The following CCDC68 variants were observed in gnomAD, a reference collection of about 807,000 sequenced individuals.
CCDC68 encodes the protein coiled-coil domain containing 68.
CCDC68 carries 45 observed loss-of-function variants against 47.1 expected under a neutral mutation model. The observed-to-expected ratio is 0.96, with a 90% CI of 0.75 to 1.23. The LOEUF (loss-of-function observed/expected upper bound fraction) is 1.23, where lower values mean the gene tolerates loss of function less well. Ranked by LOEUF, CCDC68 falls within the 50% of genes most tolerant of loss-of-function variation. CCDC68 has a pLI of 0.00. For synonymous variants in CCDC68, 131 were observed against 129.5 expected, an observed-to-expected ratio of 1.01 and a Z score of -0.08; for missense variants, 353 against 373.6, an observed-to-expected ratio of 0.94 and a Z score of 0.45.
intron 7 of CCDC68, among the ~76,000 whole-genome samples, chr18:54,930,774 A>C (rs1217489639): frequency 6.7e-6 from 1 of 148,276 alleles, no homozygotes; most frequent in Non-Finnish European, 1.5e-5. Context: ...GCTGGAGTGC[A>C]ATGGTGCGAT....
At chr18:54,945,016 T>C (rs1249911959) in intron 2 of CCDC68, among the ~76,000 whole-genome samples, 1 of 152,228 alleles carries the variant, frequency 6.6e-6, no homozygotes, top group African/African-American at 2.4e-5. Context: ...AGAATTGTTG[T>C]AATTTTGCTA....
At chr18:54,945,930 G>A (rs1207020021) in intron 1 of CCDC68, among the ~76,000 whole-genome samples, 1 of 152,174 alleles carries the variant, frequency 6.6e-6, no homozygotes, top group Non-Finnish European at 1.5e-5. Flanking sequence ...TCAGGCCAGG[G>A]TAGGGGTCAG....
chr18:54,928,726 G>C, intron 8 of CCDC68, 74 bp downstream of exon 8: 1 of 920,118 alleles, frequency 1.1e-6, no homozygotes. Flanking sequence ...AAGGTCTTCT[G>C]TTCCCTGGCT....
Position 54,904,178 on chromosome 18 carries a change from T to C in CCDC68, c.*180A>G. 2.0e-6 allele frequency: 1 copy of C among 507,226 alleles called. No individual in the cohort carries two copies. Among genetic ancestry groups the C allele is most frequent in the Non-Finnish European group, 3.5e-6 (1 of 283,434 alleles). The allele number at this position is 507,226 out of a possible 1,614,324, so 31.4% of individuals were successfully genotyped here. On this transcript the variant is annotated 3_prime_UTR_variant, in exon 12 of 12. Transcript: ENST00000591504. ...TATTTGGTAAGTTTTGAAGAGTCCA[T>C]CCATTAAATATAGATTTGTTTGATT...
chr18:54,945,142 G>T (rs184174253), intron 2 of CCDC68, among the ~76,000 whole-genome samples: 23 of 152,248 alleles, frequency 1.5e-4, no homozygotes, highest in Admixed American at 1.2e-3. Context: ...AAAGAGAGAG[G>T]TAAAAAGGAC....
chr18:54,917,109 A>G (rs2043967838), intron 10 of CCDC68, among the ~76,000 whole-genome samples: 1 of 152,190 alleles, frequency 6.6e-6, no homozygotes, highest in Non-Finnish European at 1.5e-5. Flanking sequence ...ACAGACTAAT[A>G]GAGGGGTCCT....
At chr18:54,953,551 T>TAG (rs35449564) in intron 1 of CCDC68, among the ~76,000 whole-genome samples, 34,640 of 150,360 alleles carry the variant, frequency 0.23, 4,233 homozygotes, top group Admixed American at 0.29. Flanking sequence ...TATATATATA[T>TAG]AGAGAGAGAG....
intron 10 of CCDC68, among the ~76,000 whole-genome samples, chr18:54,914,426 T>G (rs1003295679): frequency 1.3e-5 from 2 of 152,152 alleles, no homozygotes; most frequent in African/African-American, 2.4e-5. Context: ...GAGACCAGCC[T>G]GGCCAACATG....
chr18:54,954,043 T>C (rs1413908474), intron 1 of CCDC68, among the ~76,000 whole-genome samples: 7 of 126,826 alleles, frequency 5.5e-5, no homozygotes, highest in African/African-American at 1.6e-4. Flanking sequence ...CTCCTTCCTT[T>C]CTTTCTTTCT....
At chr18:54,909,117 G>GT (rs2145363096) in intron 10 of CCDC68, among the ~76,000 whole-genome samples, 1 of 152,320 alleles carries the variant, frequency 6.6e-6, no homozygotes, top group East Asian at 1.9e-4. Flanking sequence ...TCCAGAGCCA[G>GT]TGTTTTCTCT....
intron 1 of CCDC68, among the ~76,000 whole-genome samples, chr18:54,950,470 A>AC (rs5825108): frequency 1.3e-5 from 2 of 151,816 alleles, no homozygotes; most frequent in Non-Finnish European, 2.9e-5. Flanking sequence ...TCTGAAAACG[A>AC]GCACAGTATA....
intron 1 of CCDC68, 154 bp downstream of exon 1, chr18:54,959,182 C>T (rs925912853): frequency 1.3e-5 from 2 of 152,256 alleles, no homozygotes; most frequent in Non-Finnish European, 2.9e-5. Flanking sequence ...GGGAGGATTA[C>T]CTCTTCAACA....
At chr18:54,920,950 C>T (rs1255475952) in intron 8 of CCDC68, among the ~76,000 whole-genome samples, 1 of 152,138 alleles carries the variant, frequency 6.6e-6, no homozygotes, top group Non-Finnish European at 1.5e-5. Flanking sequence ...AACCTAGGTG[C>T]CTATCAACAG....
chr18:54,917,904 C>A lies in CCDC68; in HGVS notation c.873+9G>T. On this transcript the variant is annotated intron_variant, in intron 10 of 11. Coordinates refer to ENST00000591504, the MANE Select transcript of CCDC68 (RefSeq NM_025214.3). ...TCACAACAAAATGTAAGACAGGTTC[C>A]CTCCTTACCTGGGCTTCAAGTATGT... is the stretch of plus-strand genomic sequence containing the variant. 6.5e-7 allele frequency: 1 copy of A among 1,528,560 alleles called. No homozygotes were observed. Among genetic ancestry groups the A allele is most frequent in the Non-Finnish European group, 9.1e-7 (1 of 1,104,626 alleles). The allele number at this position is 1,528,560 out of a possible 1,614,324, so 94.7% of individuals were successfully genotyped here.
intron 7 of CCDC68, among the ~76,000 whole-genome samples, chr18:54,929,660 G>C (rs1244672707): frequency 6.6e-6 from 1 of 152,146 alleles, no homozygotes; most frequent in Non-Finnish European, 1.5e-5. Flanking sequence ...AATTGGTATT[G>C]GCAACATGGA....
At chr18:54,938,160 A>G in intron 4 of CCDC68, 63 bp from the exon 5 acceptor site, 1 of 1,511,594 alleles carries the variant, frequency 6.6e-7, no homozygotes, top group African/African-American at 1.4e-5. Context: ...TTTGACAACA[A>G]TAATGATCAT....
chr18:54,935,069 A>T lies in CCDC68; in HGVS notation c.472-121T>A, dbSNP rs1030591766. On this transcript the variant is annotated intron_variant, in intron 6 of 11. Coordinates refer to ENST00000591504, the MANE Select transcript of CCDC68 (RefSeq NM_025214.3). ...AATTCAGAATTCATACTTGTTTAGA[A>T]TTACTCTTTTGATTTCAGTGTTTAC... is the stretch of plus-strand genomic sequence containing the variant. The T allele has an allele frequency of 3.2e-4, 223 of 701,126 alleles. No homozygotes were observed. The African/African-American group carries it at 3.9e-3, about 12-fold the overall frequency. The allele number at this position is 701,126 out of a possible 1,614,324, so 43.4% of individuals were successfully genotyped here. A position where few individuals can be genotyped will look rare whatever the true frequency, so the allele number is the denominator to read the frequency against.
At chr18:54,915,347 A>G (rs572448991) in intron 10 of CCDC68, among the ~76,000 whole-genome samples, 2 of 152,348 alleles carry the variant, frequency 1.3e-5, no homozygotes, top group East Asian at 3.9e-4. Context: ...TGTAGTAGCC[A>G]CTCAATAATT....
At chr18:54,907,374 T>C (rs1345749423) in intron 11 of CCDC68, among the ~76,000 whole-genome samples, 1 of 152,196 alleles carries the variant, frequency 6.6e-6, no homozygotes, top group African/African-American at 2.4e-5. Flanking sequence ...GATATTTATA[T>C]TAATAATTTA....
Sources: gnomAD v4.1 joint callset for allele counts (sites outside exome capture counted in the v4.1 genomes callset) on GRCh38, gnomAD v4.1.1 for gene constraint, MANE v1.5 for transcripts, NCBI Gene and HGNC (gene_info 2026-07-23, HGNC 2026-07-21) for gene names.